Variants in CNGB3 observed in about 807,000 individuals in gnomAD.
CNGB3 encodes the protein cyclic nucleotide-gated channel beta-3.
In CNGB3, 86 loss-of-function variants were observed where a neutral mutation model predicts 92.8. The observed-to-expected ratio is 0.93, with a 90% CI of 0.78 to 1.11. CNGB3 has a LOEUF of 1.11. Among genes scored for constraint, CNGB3 ranks in the 50% least tolerant of loss-of-function variants. The pLI is 0.00. For missense variants in CNGB3, 1,026 were observed against 956.8 expected (o/e 1.07, Z -0.95); for synonymous variants, 333 against 332.7 (o/e 1.00, Z -0.01).
chr8:86,677,214 A>G (rs553988689), intron 3 of CNGB3, among the ~76,000 whole-genome samples: 88 of 152,326 alleles, frequency 5.8e-4, no homozygotes, highest in Non-Finnish European at 8.5e-4. Flanking sequence ...GAAAATAAAT[A>G]TCTGTTGTTT....
At chr8:86,650,982 A>G (rs1339373956) in intron 7 of CNGB3, among the ~76,000 whole-genome samples, 1 of 151,862 alleles carries the variant, frequency 6.6e-6, no homozygotes, top group African/African-American at 2.4e-5. Context: ...ATATTTAGAC[A>G]TAAAAAGGAA....
chr8:86,708,115 T>G (rs1412969734), intron 3 of CNGB3: 1 of 152,212 alleles, frequency 6.6e-6, no homozygotes, highest in Admixed American at 6.5e-5. Flanking sequence ...AAATACCAAC[T>G]GAAGATATAA....
chr8:86,661,159 C>T (rs1823633417), intron 6 of CNGB3: 1 of 231,302 alleles, frequency 4.3e-6, no homozygotes. Flanking sequence ...GACGACAACC[C>T]AGTTGACAAC....
chr8:86,732,104 T>C (rs1379957659), intron 2 of CNGB3, among the ~76,000 whole-genome samples: 4 of 152,148 alleles, frequency 2.6e-5, no homozygotes, highest in Non-Finnish European at 5.9e-5. Flanking sequence ...CCTATCCACA[T>C]TGGTTAGGGT....
chr8:86,580,077 T>C (rs1056748336), intron 15 of CNGB3, among the ~76,000 whole-genome samples: 2 of 151,796 alleles, frequency 1.3e-5, no homozygotes, highest in African/African-American at 4.8e-5. Flanking sequence ...TGGAAGGCAA[T>C]TGGGAAGCAA....
At chr8:86,579,299 C>T in intron 15 of CNGB3, 47 bp from the exon 16 acceptor site, 1 of 1,602,754 alleles carries the variant, frequency 6.2e-7, no homozygotes, top group South Asian at 1.1e-5. Context: ...CAGTTTTCCT[C>T]CACTGAAATC....
chr8:86,628,189 C>A (rs1033988568), intron 12 of CNGB3, among the ~76,000 whole-genome samples: 1 of 152,120 alleles, frequency 6.6e-6, no homozygotes, highest in Non-Finnish European at 1.5e-5. Flanking sequence ...TATTTTGAGA[C>A]AGAATCTGGC....
At chr8:86,662,044 G>T (rs1039530442) in intron 6 of CNGB3, 139 of 304,142 alleles carry the variant, frequency 4.6e-4, no homozygotes, top group Middle Eastern at 9.6e-4. Context: ...GTGCAGGGCT[G>T]CGAGGGTGCG....
chr8:86,660,163 G>T, intron 6 of CNGB3: 1 of 305,124 alleles, frequency 3.3e-6, no homozygotes, highest in South Asian at 3.8e-5. Flanking sequence ...GTTGTCTCAG[G>T]ATTGCTGCCA....
intron 15 of CNGB3, among the ~76,000 whole-genome samples, chr8:86,579,717 T>G (rs1206612859): frequency 6.6e-6 from 1 of 152,154 alleles, no homozygotes; most frequent in Non-Finnish European, 1.5e-5. Context: ...GATCAGAGCA[T>G]TTATCTCCCC....
intron 13 of CNGB3, among the ~76,000 whole-genome samples, chr8:86,618,490 A>G (rs192943672): frequency 7.9e-4 from 119 of 151,472 alleles, no homozygotes; most frequent in African/African-American, 2.5e-3. Context: ...ACAACCAAGT[A>G]TGTTATCTCA....
chr8:86,703,952 A>G (rs879511099), intron 3 of CNGB3: 2 of 152,228 alleles, frequency 1.3e-5, no homozygotes, highest in Admixed American at 1.3e-4. Flanking sequence ...TATTATTTCT[A>G]GCAGTCAAAA....
rs78878760 is a variant in CNGB3 at position 86,660,022 on chromosome 8, C to T, written c.853-5960G>A. 978 of 342,846 alleles carry T rather than the reference C, an allele frequency of 2.9e-3. 27 individuals carry two copies. Among genetic ancestry groups the T allele is most frequent in the African/African-American group, 0.019 (891 of 45,986 alleles). 21.2% of individuals were successfully genotyped at this position (342,846 alleles called of 1,614,324 possible). A position where few individuals can be genotyped will look rare whatever the true frequency, so the allele number is the denominator to read the frequency against. On this transcript the variant is annotated intron_variant, in intron 6 of 17. Coordinates refer to ENST00000320005, the MANE Select transcript of CNGB3 (RefSeq NM_019098.5). ...TGTCAGCATCATGATTCTGAGGTGC[C>T]GCCATGCTAGTGAGACTGGCACCAG... is the stretch of plus-strand genomic sequence containing the variant.
chr8:86,693,588 T>TGCG (rs1290720342), intron 3 of CNGB3, among the ~76,000 whole-genome samples: 1 of 150,422 alleles, frequency 6.6e-6, no homozygotes, highest in African/African-American at 2.4e-5. Context: ...CAGAGGACCC[T>TGCG]GCGGCCTTCC....
chr8:86,677,653 G>C (rs1203384745), intron 3 of CNGB3, among the ~76,000 whole-genome samples: 1 of 152,104 alleles, frequency 6.6e-6, no homozygotes, highest in Non-Finnish European at 1.5e-5. Flanking sequence ...CAATTAGAGA[G>C]ACAGATCTAA....
At chr8:86,677,939 C>T (rs1043772837) in intron 3 of CNGB3, among the ~76,000 whole-genome samples, 1 of 152,096 alleles carries the variant, frequency 6.6e-6, no homozygotes, top group Non-Finnish European at 1.5e-5. Flanking sequence ...CTTTTGCAAA[C>T]TTTGCTAGAT....
intron 14 of CNGB3, among the ~76,000 whole-genome samples, chr8:86,610,969 C>T (rs1822506176): frequency 6.6e-6 from 1 of 152,088 alleles, no homozygotes; most frequent in South Asian, 2.1e-4. Flanking sequence ...CATGACAAAA[C>T]ATGTTTCAGA....
chr8:86,688,738 G>C (rs1824238338), intron 3 of CNGB3, among the ~76,000 whole-genome samples: 1 of 150,896 alleles, frequency 6.6e-6, no homozygotes, highest in East Asian at 2.0e-4. Flanking sequence ...TGTTGATTTT[G>C]TTTATCTTTT....
rs758681401 is a variant in CNGB3, at chr8:86,671,050, A to G, written c.387T>C (p.Asp129=). 4 of 1,614,016 alleles carry G rather than the reference A, an allele frequency of 2.5e-6. No individual in the cohort carries two copies. Among genetic ancestry groups the G allele is most frequent in the Non-Finnish European group, 2.5e-6 (3 of 1,180,016 alleles). The part of the protein sequence containing the change: ...PAAPVINEYA[D]AQLHNLVKRM... ...TTTTCACCAGGTTGTGTAGCTGGGCATCGGCATACTCATTTATAACAGGAG... is the reference window on the plus strand; with the variant it reads ...TTTTCACCAGGTTGTGTAGCTGGGCGTCGGCATACTCATTTATAACAGGAG... The change falls in exon 4 of 18, where the codon GAT becomes GAC. Residue 129 remains aspartate, a synonymous_variant. Transcript: ENST00000320005.
Sources: allele counts gnomAD v4.1 joint callset (sites outside exome capture counted in the v4.1 genomes callset), GRCh38; gene constraint gnomAD v4.1.1; transcripts MANE v1.5; gene names NCBI Gene and HGNC (gene_info 2026-07-23, HGNC 2026-07-21).